CCDC158: variants seen among roughly 807,000 people sequenced by gnomAD.
CCDC158 encodes the protein coiled-coil domain-containing protein 158.
Under a neutral mutation model 138.6 loss-of-function variants are expected in CCDC158, and 116 were observed. That is an observed-to-expected ratio of 0.84 (90% confidence interval 0.72 to 0.98). The LOEUF (loss-of-function observed/expected upper bound fraction) is 0.98, where lower values mean the gene tolerates loss of function less well. CCDC158 is among the 50% of genes least tolerant of loss of function. The pLI is 0.00. For missense variants in CCDC158, 1,265 were observed against 1,306.1 expected, an observed-to-expected ratio of 0.97 and a Z score of 0.48; for synonymous variants, 436 against 442.4, an observed-to-expected ratio of 0.99 and a Z score of 0.18.
chr4:76,360,314 G>A (rs1250154706), intron 13 of CCDC158, among the ~76,000 whole-genome samples: 2 of 152,242 alleles, frequency 1.3e-5, no homozygotes, highest in Non-Finnish European at 2.9e-5. Context: ...TAGTGCAGAG[G>A]GGAAATGTGG....
chr4:76,341,885 T>A (rs1408416905), intron 18 of CCDC158, among the ~76,000 whole-genome samples: 1 of 152,228 alleles, frequency 6.6e-6, no homozygotes, highest in Non-Finnish European at 1.5e-5. Flanking sequence ...ATGATCCTCA[T>A]TCACAAAGAC....
chr4:76,343,283 G>T (rs1004909777), intron 18 of CCDC158, among the ~76,000 whole-genome samples: 7 of 151,954 alleles, frequency 4.6e-5, no homozygotes, highest in African/African-American at 1.7e-4. Flanking sequence ...AAAATTTTTG[G>T]GTCCTTCAAT....
chr4:76,375,604 G>T (rs760299909), intron 9 of CCDC158: 1 of 702,906 alleles, frequency 1.4e-6, no homozygotes, highest in South Asian at 1.5e-5. Context: ...AGATATTTTT[G>T]TTGTCAAAAA....
At chr4:76,372,949 A>C (rs1247212718) in intron 9 of CCDC158, among the ~76,000 whole-genome samples, 1 of 152,174 alleles carries the variant, frequency 6.6e-6, no homozygotes, top group African/African-American at 2.4e-5. Context: ...CCTGGGTTCA[A>C]ATGATTCTCC....
chr4:76,353,172 T>C lies in CCDC158; in HGVS notation c.2396A>G (p.Glu799Gly). 1.2e-6 allele frequency: 2 copies of C among 1,613,972 alleles called. No individual in the cohort carries two copies. The highest frequency in any genetic ancestry group is 1.1e-5 in the South Asian group (1 of 91,048). The change falls in exon 16 of 25, where the codon GAA (glutamate) becomes GGA (glycine). Residue 799 changes from glutamate to glycine, a missense_variant. Transcript: ENST00000682701. The part of the protein sequence containing the change: ...AGELEVLRSQ[E>G]RRLKEKVTNM... Reference sequence around the variant, plus strand: ...AGTAACCTTTTCTTTCAAACGGCGTTCCTGAGATCGCAGAACTTCCAACTC... The same window carrying C: ...AGTAACCTTTTCTTTCAAACGGCGTCCCTGAGATCGCAGAACTTCCAACTC...
chr4:76,394,385 G>T (rs1727583978), intron 4 of CCDC158, among the ~76,000 whole-genome samples: 1 of 152,060 alleles, frequency 6.6e-6, no homozygotes, highest in African/African-American at 2.4e-5. Context: ...GCACAGAAAG[G>T]CAGACATCAC....
At chr4:76,408,335 G>A (rs368901316) in intron 2 of CCDC158, among the ~76,000 whole-genome samples, 9 of 151,068 alleles carry the variant, frequency 6.0e-5, no homozygotes, top group Non-Finnish European at 1.3e-4. Flanking sequence ...ATCCCTCCCC[G>A]CTCCCCCCAC....
intron 2 of CCDC158, among the ~76,000 whole-genome samples, chr4:76,411,496 A>C (rs1452127321): frequency 6.6e-6 from 1 of 152,236 alleles, no homozygotes; most frequent in Non-Finnish European, 1.5e-5. Flanking sequence ...CATAATAAAG[A>C]GCAATATTGA....
At position 76,379,302 on chromosome 4, in the gene CCDC158, C is replaced by A. The variant is rs1309329338; in HGVS notation, c.1017G>T (p.Met339Ile). ...AACCTAAACTCACCTTGTCTTCATA[C>A]ATCCTTTTGGCTTCCCTTAATTCAG... is the stretch of plus-strand genomic sequence containing the variant. The part of the protein sequence containing the change: ...LRSELREAKR[M>I]YEDKTEELEK... The change falls in exon 9 of 25, where the codon ATG (methionine) becomes ATT (isoleucine). Residue 339 changes from methionine to isoleucine, a missense_variant. Physicochemically the swap from Met to Ile is conservative, Grantham distance 10. Coordinates refer to ENST00000682701, the MANE Select transcript of CCDC158 (RefSeq NM_001394954.1). 1 of 1,601,760 alleles carries A rather than the reference C, an allele frequency of 6.2e-7. No homozygotes were observed. Among genetic ancestry groups the A allele is most frequent in the Non-Finnish European group, 8.5e-7 (1 of 1,174,740 alleles).
At chr4:76,354,233 CAAAA>C (rs749565764) in intron 15 of CCDC158, among the ~76,000 whole-genome samples, 2 of 63,914 alleles carry the variant, frequency 3.1e-5, no homozygotes, top group Admixed American at 2.2e-4. Flanking sequence ...TTCCCAAAGG[CAAAA>C]AAAAAAAAAA....
intron 4 of CCDC158, among the ~76,000 whole-genome samples, chr4:76,390,968 A>G (rs953043839): frequency 6.6e-6 from 1 of 152,048 alleles, no homozygotes; most frequent in African/African-American, 2.4e-5. Flanking sequence ...TGACTGCAGC[A>G]CCCAGATATA....
At chr4:76,394,896 G>A (rs1323520477) in intron 4 of CCDC158, among the ~76,000 whole-genome samples, 3 of 152,064 alleles carry the variant, frequency 2.0e-5, no homozygotes, top group African/African-American at 7.2e-5. Flanking sequence ...AATCTAGACT[G>A]AGCAAAAGGT....
chr4:76,382,770 C>G, intron 7 of CCDC158, 50 bp from the exon 8 acceptor site: 1 of 1,223,768 alleles, frequency 8.2e-7, no homozygotes, highest in Non-Finnish European at 1.2e-6. Context: ...ATTTTCCTGA[C>G]TATGAATTAT....
At chr4:76,421,568 T>A (rs554030557), upstream of CCDC158, among the ~76,000 whole-genome samples, 7 of 151,884 alleles carry the variant, frequency 4.6e-5, no homozygotes, top group African/African-American at 1.7e-4. Context: ...TCTTCCCAGA[T>A]AACTCACTGA....
intron 4 of CCDC158, among the ~76,000 whole-genome samples, chr4:76,388,538 G>T (rs1352204835): frequency 6.6e-6 from 1 of 152,218 alleles, no homozygotes; most frequent in Non-Finnish European, 1.5e-5. Context: ...GACAGACTTT[G>T]TATTGTGGTT....
intron 9 of CCDC158, among the ~76,000 whole-genome samples, chr4:76,377,997 A>G (rs1725872988): frequency 6.6e-6 from 1 of 152,188 alleles, no homozygotes; most frequent in Admixed American, 6.5e-5. Flanking sequence ...GGATCATAAG[A>G]TGAACTATAT....
intron 8 of CCDC158, among the ~76,000 whole-genome samples, chr4:76,380,522 G>A (rs1003611398): frequency 3.9e-5 from 6 of 152,176 alleles, no homozygotes; most frequent in Non-Finnish European, 8.8e-5. Context: ...CATTCAAGAT[G>A]TCACCTGACT....
At chr4:76,321,044 G>A (rs1719946244) in intron 24 of CCDC158, among the ~76,000 whole-genome samples, 1 of 151,998 alleles carries the variant, frequency 6.6e-6, no homozygotes, top group Non-Finnish European at 1.5e-5. Flanking sequence ...GAATCTACAA[G>A]GAACTCAATC....
intron 24 of CCDC158, among the ~76,000 whole-genome samples, chr4:76,315,240 C>A (rs1338379711): frequency 1.3e-5 from 2 of 152,112 alleles, no homozygotes; most frequent in East Asian, 3.9e-4. Flanking sequence ...TCCTGCGTAC[C>A]CCACAGTGGC....
Sources: gnomAD v4.1 joint callset for allele counts (sites outside exome capture counted in the v4.1 genomes callset) on GRCh38, gnomAD v4.1.1 for gene constraint, MANE v1.5 for transcripts, NCBI Gene and HGNC (gene_info 2026-07-23, HGNC 2026-07-21) for gene names.